PAFAH1B1: variants seen among roughly 807,000 people sequenced by gnomAD.
PAFAH1B1 encodes the protein platelet-activating factor acetylhydrolase IB subunit beta.
PAFAH1B1 carries 2 observed loss-of-function variants against 57.5 expected under a neutral mutation model. That is an observed-to-expected ratio of 0.03 (90% confidence interval 0.01 to 0.11). The LOEUF is 0.11. Among genes scored for constraint, PAFAH1B1 ranks in the 10% least tolerant of loss-of-function variants. The probability of loss-of-function intolerance (pLI) is 1.00; values close to 1 mark genes in which losing one functional copy is unlikely to be tolerated. For synonymous variants in PAFAH1B1, 152 were observed against 169.6 expected, an observed-to-expected ratio of 0.90 and a Z score of 0.81; for missense variants, 257 against 512.0, an observed-to-expected ratio of 0.50 and a Z score of 4.81.
At chr17:2,624,790 G>T (rs1413899096) in intron 1 of PAFAH1B1, among the ~76,000 whole-genome samples, 2 of 152,118 alleles carry the variant, frequency 1.3e-5, no homozygotes, top group Non-Finnish European at 2.9e-5. Flanking sequence ...CGATCTGCAT[G>T]CCTCGGTCCA....
intron 8 of PAFAH1B1, among the ~76,000 whole-genome samples, chr17:2,674,754 T>A (rs999291394): frequency 6.6e-6 from 1 of 152,242 alleles, no homozygotes; most frequent in African/African-American, 2.4e-5. Context: ...TATGGCAGCC[T>A]CTGATGTTCT....
intron 1 of PAFAH1B1, among the ~76,000 whole-genome samples, chr17:2,607,489 TC>T (rs1208836893): frequency 6.6e-6 from 1 of 151,344 alleles, no homozygotes; most frequent in Admixed American, 6.6e-5. Context: ...CTTTTCTTTT[TC>T]TTTTTTTTTT....
At position 2,660,266 on chromosome 17, in the gene PAFAH1B1, A is replaced by G. The variant is rs964336313; in HGVS notation, c.33-5106A>G. Among the ~76,000 whole-genome samples, 7 of 150,232 alleles carry G rather than the reference A, an allele frequency of 4.7e-5. No individual in the cohort carries two copies. The East Asian group carries it at 1.4e-3, about 29-fold the overall frequency. Reference sequence around the variant, plus strand: ...TTTTTATTTTACTTTAAGTTCCGGGATACATGTGCAGAATGTGCAGGTTTG... The same window carrying G: ...TTTTTATTTTACTTTAAGTTCCGGGGTACATGTGCAGAATGTGCAGGTTTG... On this transcript the variant is annotated intron_variant, in intron 2 of 10. Transcript: ENST00000397195.
chr17:2,599,281 A>G (rs1386749099), intron 1 of PAFAH1B1, among the ~76,000 whole-genome samples: 1 of 152,228 alleles, frequency 6.6e-6, no homozygotes, highest in East Asian at 1.9e-4. Flanking sequence ...AGTGACTAGA[A>G]TAAGGTAAAT....
rs3213695 is a variant in PAFAH1B1, at chr17:2,638,240, A to C, written c.-49A>C. On this transcript the variant is annotated 5_prime_UTR_variant, in exon 2 of 11. Transcript: ENST00000397195. ...GGATCAAAAAGCTTTTTGATTTCCC[A>C]AAGGAGGGACATACCACTATATCAG... 61 of 1,554,300 alleles carry C rather than the reference A, an allele frequency of 3.9e-5. No individual in the cohort carries two copies. The East Asian group carries it at 1.4e-3, about 35-fold the overall frequency.
At chr17:2,653,278 G>A (rs1374588585) in intron 2 of PAFAH1B1, among the ~76,000 whole-genome samples, 2 of 152,114 alleles carry the variant, frequency 1.3e-5, no homozygotes, top group Non-Finnish European at 2.9e-5. Context: ...CGTGAGGTGA[G>A]GGGAGAGGGG....
chr17:2,638,491 A>G (rs536397669), intron 2 of PAFAH1B1, 171 bp downstream of exon 2: 1 of 588,310 alleles, frequency 1.7e-6, no homozygotes, highest in South Asian at 2.3e-5. Context: ...ATTATGATAT[A>G]GCATTATTTT....
chr17:2,681,382 G>T, intron 10 of PAFAH1B1: 1 of 187,432 alleles, frequency 5.3e-6, no homozygotes, highest in Non-Finnish European at 1.1e-5. Context: ...CTTGGGTTAT[G>T]GTATATTAGA....
At chr17:2,600,239 C>A (rs1463114242) in intron 1 of PAFAH1B1, among the ~76,000 whole-genome samples, 1 of 151,952 alleles carries the variant, frequency 6.6e-6, no homozygotes, top group Non-Finnish European at 1.5e-5. Flanking sequence ...AGCCACCACA[C>A]CCAGCCCAAT....
At chr17:2,601,151 C>T (rs1252881932) in intron 1 of PAFAH1B1, among the ~76,000 whole-genome samples, 1 of 151,938 alleles carries the variant, frequency 6.6e-6, no homozygotes, top group African/African-American at 2.4e-5. Context: ...ATTTATTTTT[C>T]AAGACTGAGT....
In PAFAH1B1 at chr17:2,602,650, A is replaced by G. The variant is rs147532828; in HGVS notation, c.-191+8644A>G. 1.9e-4 allele frequency among the ~76,000 whole-genome samples: 29 copies of G among 152,312 alleles called. No homozygotes were observed. The East Asian group carries it at 5.4e-3, about 28-fold the overall frequency. On this transcript the variant is annotated intron_variant, in intron 1 of 10. Transcript: ENST00000397195. ...TGTCCGGTTAACGTCTTTCTGCTAC[A>G]TAGTCCCCAGTCATCTATCTAAAAT...
At chr17:2,624,671 G>A (rs760243412) in intron 1 of PAFAH1B1, among the ~76,000 whole-genome samples, 3 of 152,166 alleles carry the variant, frequency 2.0e-5, no homozygotes, top group Non-Finnish European at 4.4e-5. Flanking sequence ...TAACACATGG[G>A]AATTCTGGGA....
chr17:2,620,716 G>A (rs1054537765), intron 1 of PAFAH1B1, among the ~76,000 whole-genome samples: 5 of 152,040 alleles, frequency 3.3e-5, no homozygotes, highest in Admixed American at 2.6e-4. Context: ...ACAAAAATTA[G>A]CTGGGTATGG....
At chr17:2,657,536 G>A (rs977152723) in intron 2 of PAFAH1B1, among the ~76,000 whole-genome samples, 28 of 152,266 alleles carry the variant, frequency 1.8e-4, no homozygotes, top group African/African-American at 6.5e-4. Context: ...GAGCTACCAC[G>A]CCTGGCCAAG....
At chr17:2,623,906 C>T (rs1271161267) in intron 1 of PAFAH1B1, among the ~76,000 whole-genome samples, 3 of 152,124 alleles carry the variant, frequency 2.0e-5, no homozygotes, top group African/African-American at 7.2e-5. Flanking sequence ...TCCCAAAATG[C>T]TAGGATTACA....
intron 1 of PAFAH1B1, 113 bp from the exon 2 acceptor site, chr17:2,637,984 AAT>A (rs1203735784): frequency 9.2e-6 from 4 of 433,182 alleles, no homozygotes; most frequent in African/African-American, 8.1e-5. Flanking sequence ...ATCATCATCT[AAT>A]ATTTATACTA....
chr17:2,650,437 G>A (rs1450338520), intron 2 of PAFAH1B1, among the ~76,000 whole-genome samples: 11 of 151,634 alleles, frequency 7.3e-5, no homozygotes, highest in East Asian at 1.9e-4. Flanking sequence ...ACTTGAACCC[G>A]GGAGCTGGAG....
intron 1 of PAFAH1B1, among the ~76,000 whole-genome samples, chr17:2,626,441 T>C (rs1233704365): frequency 6.6e-6 from 1 of 150,898 alleles, no homozygotes; most frequent in Non-Finnish European, 1.5e-5. Flanking sequence ...ATTCACAGGC[T>C]GAAATAATCT....
At chr17:2,615,010 A>G (rs781576117) in intron 1 of PAFAH1B1, among the ~76,000 whole-genome samples, 2 of 151,316 alleles carry the variant, frequency 1.3e-5, no homozygotes, top group Non-Finnish European at 1.5e-5. Flanking sequence ...GTCCATATCC[A>G]TGGGTTTTGT....
Sources: allele counts gnomAD v4.1 joint callset (sites outside exome capture counted in the v4.1 genomes callset), GRCh38; gene constraint gnomAD v4.1.1; transcripts MANE v1.5; gene names NCBI Gene and HGNC (gene_info 2026-07-23, HGNC 2026-07-21).